The following HMGB1 variants were observed in gnomAD, a reference collection of about 807,000 sequenced individuals.
The protein encoded by HMGB1 is high mobility group protein B1.
For missense variants in HMGB1, 79 were observed against 253.5 expected (o/e 0.31, Z 4.67); for synonymous variants, 81 against 84.0 (o/e 0.96, Z 0.19).
chr13:30,546,020 G>A (rs1283674272), intron 1 of HMGB1, among the ~76,000 whole-genome samples: 2 of 152,180 alleles, frequency 1.3e-5, no homozygotes, highest in East Asian at 3.9e-4. Flanking sequence ...TACATTTCAG[G>A]TGGCTATTGA....
At chr13:30,502,716 TG>T (rs1427515256) in intron 1 of HMGB1, among the ~76,000 whole-genome samples, 2 of 151,988 alleles carry the variant, frequency 1.3e-5, no homozygotes. Flanking sequence ...TGGGATACAG[TG>T]GCACAATCCC....
intron 1 of HMGB1, among the ~76,000 whole-genome samples, chr13:30,531,627 C>T (rs1342060254): frequency 1.3e-5 from 2 of 151,362 alleles, no homozygotes; most frequent in East Asian, 3.9e-4. Context: ...ACAGCTGGTG[C>T]GGTGGCTCAC....
chr13:30,486,694 A>G (rs1049595392), intron 1 of HMGB1, among the ~76,000 whole-genome samples: 1 of 152,164 alleles, frequency 6.6e-6, no homozygotes, highest in African/African-American at 2.4e-5. Flanking sequence ...TCCCCAGCAG[A>G]GAAGAGGGTA....
At chr13:30,503,952 C>T (rs1312396246) in intron 1 of HMGB1, among the ~76,000 whole-genome samples, 1 of 151,982 alleles carries the variant, frequency 6.6e-6, no homozygotes, top group Non-Finnish European at 1.5e-5. Context: ...GACATACATA[C>T]ATACCTACAT....
In HMGB1 at chr13:30,507,191, C is replaced by T. The variant is rs117112912; in HGVS notation, c.-14-43497G>A. ...AAATGCCTTAACCCTCCACTAAGCTCTCTCCCTGTTGCCTGGAATTCCAAC... is the reference window on the plus strand; with the variant it reads ...AAATGCCTTAACCCTCCACTAAGCTTTCTCCCTGTTGCCTGGAATTCCAAC... On this transcript the variant is annotated intron_variant, in intron 1 of 4. Coordinates refer to the HMGB1 transcript ENST00000405805. Among the ~76,000 whole-genome samples, 859 of 152,326 alleles carry T rather than the reference C, an allele frequency of 5.6e-3. 5 individuals carry two copies. The highest frequency in any genetic ancestry group is 8.0e-3 in the Non-Finnish European group (547 of 68,024).
intron 1 of HMGB1, among the ~76,000 whole-genome samples, chr13:30,580,655 A>T (rs891264893): frequency 2.0e-5 from 3 of 152,208 alleles, no homozygotes; most frequent in African/African-American, 7.2e-5. Context: ...TATATCAGGC[A>T]TTTTTTTCTA....
In HMGB1 at chr13:30,556,568, T is replaced by C. The variant is rs1194715647; in HGVS notation, c.-15+60103A>G. The stretch of plus-strand genomic sequence containing the variant: ...GTGATATATACACACTATGGAGTAT[T>C]ATTCAGCCATAAAAAAGAGTGAAAT... On this transcript the variant is annotated intron_variant, in intron 1 of 4. Transcript: ENST00000405805. Among the ~76,000 whole-genome samples the C allele has an allele frequency of 2.0e-5, 3 of 152,202 alleles. No homozygotes were observed. The East Asian group carries it at 5.8e-4, about 29-fold the overall frequency.
chr13:30,604,766 T>A (rs1051734921), intron 1 of HMGB1, among the ~76,000 whole-genome samples: 1 of 152,178 alleles, frequency 6.6e-6, no homozygotes, highest in African/African-American at 2.4e-5. Flanking sequence ...CACGCCATTC[T>A]CCCACCTCAG....
At chr13:30,462,003 G>A (rs967768369) in intron 4 of HMGB1, among the ~76,000 whole-genome samples, 15 of 152,056 alleles carry the variant, frequency 9.9e-5, no homozygotes, top group African/African-American at 2.9e-4. Flanking sequence ...ACACTTTTCA[G>A]AATGACTAAA....
intron 1 of HMGB1, among the ~76,000 whole-genome samples, chr13:30,492,229 C>A (rs1385905543): frequency 2.0e-5 from 3 of 151,522 alleles, no homozygotes; most frequent in Non-Finnish European, 4.4e-5. Flanking sequence ...GTGGTTCATG[C>A]CTGTAATTCC....
At chr13:30,613,930 G>T (rs1950536488) in intron 1 of HMGB1, among the ~76,000 whole-genome samples, 1 of 151,886 alleles carries the variant, frequency 6.6e-6, no homozygotes, top group Admixed American at 6.6e-5. Context: ...AAAGGATAGG[G>T]TAGATGAAAT....
chr13:30,588,050 A>C (rs1871226387), intron 1 of HMGB1, among the ~76,000 whole-genome samples: 1 of 152,240 alleles, frequency 6.6e-6, no homozygotes, highest in South Asian at 2.1e-4. Flanking sequence ...GCTGTCATGC[A>C]TGTCTGCCAG....
At chr13:30,508,612 C>G (rs965685231) in intron 1 of HMGB1, among the ~76,000 whole-genome samples, 11 of 152,178 alleles carry the variant, frequency 7.2e-5, no homozygotes, top group Admixed American at 6.5e-5. Context: ...TAAAACAGTG[C>G]TCCTAAACCT....
intron 1 of HMGB1, among the ~76,000 whole-genome samples, chr13:30,575,902 C>A (rs1313856882): frequency 6.6e-6 from 1 of 152,042 alleles, no homozygotes; most frequent in Non-Finnish European, 1.5e-5. Context: ...GACCCTGTCT[C>A]TAAAAAAAAT....
At position 30,538,632 on chromosome 13, in the gene HMGB1, T is replaced by TC. The variant is rs1566019050; in HGVS notation, c.-14-74939_-14-74938insG. ...CTTTCTCTTTCTCTCTCTCTTTCTTTTTCTTTCTTCCTTTCTTTCTTTCTT... is the reference window on the plus strand; with the variant it reads ...CTTTCTCTTTCTCTCTCTCTTTCTTTCTTCTTTCTTCCTTTCTTTCTTTCTT... On this transcript the variant is annotated intron_variant, in intron 1 of 4. Coordinates refer to the HMGB1 transcript ENST00000405805. Among the ~76,000 whole-genome samples the TC allele has an allele frequency of 2.3e-3, 194 of 83,804 alleles. 7 individuals carry two copies. Among genetic ancestry groups the TC allele is most frequent in the African/African-American group, 0.017 (145 of 8,320 alleles). The allele number at this position is 83,804 out of a possible 152,430, so 55.0% of individuals were successfully genotyped here. A position where few individuals can be genotyped will look rare whatever the true frequency, so the allele number is the denominator to read the frequency against.
At chr13:30,503,403 T>C (rs1887780721) in intron 1 of HMGB1, among the ~76,000 whole-genome samples, 1 of 151,990 alleles carries the variant, frequency 6.6e-6, no homozygotes, top group South Asian at 2.1e-4. Flanking sequence ...ATAAAGTGTT[T>C]AGCATAGAGG....
intron 1 of HMGB1, among the ~76,000 whole-genome samples, chr13:30,539,359 T>C (rs553852159): frequency 5.3e-5 from 8 of 152,236 alleles, no homozygotes; most frequent in Non-Finnish European, 1.2e-4. Flanking sequence ...TAGGTTTTAT[T>C]AGTCATGTTG....
At chr13:30,554,523 T>C (rs370640947) in intron 1 of HMGB1, 15 of 893,606 alleles carry the variant, frequency 1.7e-5, no homozygotes, top group East Asian at 7.2e-5. Flanking sequence ...GATTCTAGTA[T>C]ACAGAAACGG....
At chr13:30,556,329 G>T (rs1244968792) in intron 1 of HMGB1, among the ~76,000 whole-genome samples, 1 of 152,158 alleles carries the variant, frequency 6.6e-6, no homozygotes, top group Non-Finnish European at 1.5e-5. Context: ...GCTTGAGCCC[G>T]AGAGGTGGAG....
Sources: gnomAD v4.1 joint callset for allele counts (sites outside exome capture counted in the v4.1 genomes callset) on GRCh38, gnomAD v4.1.1 for gene constraint, MANE v1.5 for transcripts, NCBI Gene and HGNC (gene_info 2026-07-23, HGNC 2026-07-21) for gene names.